The following RERE variants were observed in gnomAD, a reference collection of about 807,000 sequenced individuals.
The protein encoded by RERE is arginine-glutamic acid dipeptide repeats.
RERE carries 40 observed loss-of-function variants against 146.1 expected under a neutral mutation model. The ratio of observed to expected loss-of-function variants is 0.27; its 90% confidence interval spans 0.21 to 0.36. The LOEUF is 0.36. RERE is among the 10% of genes least tolerant of loss of function. The pLI is 1.00. For missense variants in RERE, 1,933 were observed against 2,138.7 expected, an observed-to-expected ratio of 0.90 and a Z score of 1.90; for synonymous variants, 1,003 against 866.0, an observed-to-expected ratio of 1.16 and a Z score of -2.78.
chr1:8,642,945 C>T (rs1266089005), intron 2 of RERE, among the ~76,000 whole-genome samples: 2 of 152,194 alleles, frequency 1.3e-5, no homozygotes, highest in Admixed American at 1.3e-4. Flanking sequence ...TCTGCCTGCG[C>T]TAATAGGTAT....
chr1:8,535,289 C>A (rs1287029838), intron 7 of RERE, among the ~76,000 whole-genome samples: 4 of 152,154 alleles, frequency 2.6e-5, no homozygotes, highest in Non-Finnish European at 4.4e-5. Context: ...ACAACTAAAT[C>A]CATAATGCCA....
At position 8,497,470 on chromosome 1, in the gene RERE, A is replaced by G. The variant is rs1645060381; in HGVS notation, c.939T>C (p.His313=). The change falls in exon 9 of 23, where the codon CAT becomes CAC. Residue 313 remains histidine, a synonymous_variant. Transcript: ENST00000400908. ...PSPDGDTVTQ[H]EELVWMPGVN... ...CTCCAGGCATCCAGACCAGTTCCTCATGTTGGGTCACTGTATCACCATCTG... is the reference window on the plus strand; with the variant it reads ...CTCCAGGCATCCAGACCAGTTCCTCGTGTTGGGTCACTGTATCACCATCTG... 6.2e-7 allele frequency: 1 copy of G among 1,612,184 alleles called. No individual in the cohort carries two copies. The highest frequency in any genetic ancestry group is 1.3e-5 in the African/African-American group (1 of 74,892).
intron 4 of RERE, among the ~76,000 whole-genome samples, chr1:8,597,525 A>G (rs1157078707): frequency 6.6e-6 from 1 of 152,230 alleles, no homozygotes. Context: ...ATTGGAAAAC[A>G]GAATGAAAAT....
intron 4 of RERE, among the ~76,000 whole-genome samples, chr1:8,573,079 T>C (rs1241386941): frequency 6.6e-6 from 1 of 152,206 alleles, no homozygotes; most frequent in Non-Finnish European, 1.5e-5. Flanking sequence ...CTGAGCGTGT[T>C]CATGAAAACT....
intron 1 of RERE, among the ~76,000 whole-genome samples, chr1:8,674,162 C>T (rs1408918071): frequency 6.6e-6 from 1 of 151,972 alleles, no homozygotes; most frequent in African/African-American, 2.4e-5. Context: ...AAAATGCAAG[C>T]TTTCATTAAA....
intron 8 of RERE, among the ~76,000 whole-genome samples, chr1:8,503,045 C>A (rs1645198618): frequency 6.7e-6 from 1 of 149,024 alleles, no homozygotes. Flanking sequence ...TATGACCCTG[C>A]CAAATCCCCC....
chr1:8,630,250 A>C (rs1170859273), intron 2 of RERE, among the ~76,000 whole-genome samples: 3 of 152,136 alleles, frequency 2.0e-5, no homozygotes, highest in Non-Finnish European at 2.9e-5. Flanking sequence ...GGCATACTGC[A>C]TGTCCTCCAA....
chr1:8,675,637 CACTTGA>C (rs1638821016), intron 1 of RERE, among the ~76,000 whole-genome samples: 1 of 151,924 alleles, frequency 6.6e-6, no homozygotes, highest in Non-Finnish European at 1.5e-5. Flanking sequence ...GAAGGAGAAT[CACTTGA>C]ACTTGGGAGG....
At chr1:8,795,721 G>A (rs1043234439) in intron 1 of RERE, among the ~76,000 whole-genome samples, 5 of 152,178 alleles carry the variant, frequency 3.3e-5, no homozygotes, top group Admixed American at 6.5e-5. Flanking sequence ...AGTGGCTCAC[G>A]CCTGTAATCC....
intron 12 of RERE, among the ~76,000 whole-genome samples, chr1:8,396,910 T>C (rs949646595): frequency 6.6e-6 from 1 of 152,188 alleles, no homozygotes; most frequent in Non-Finnish European, 1.5e-5. Context: ...CTTTGCATTT[T>C]AAAGGTAAGG....
At chr1:8,648,367 G>A (rs1180734949) in intron 2 of RERE, among the ~76,000 whole-genome samples, 1 of 152,038 alleles carries the variant, frequency 6.6e-6, no homozygotes, top group Non-Finnish European at 1.5e-5. Flanking sequence ...AAGTAGCTGG[G>A]ACTACAGGAG....
chr1:8,595,076 G>A (rs565414996), intron 4 of RERE, among the ~76,000 whole-genome samples: 8 of 151,074 alleles, frequency 5.3e-5, no homozygotes, highest in South Asian at 2.1e-4. Flanking sequence ...CAGGAGGATC[G>A]CTTGAGCCCA....
At chr1:8,805,344 C>G (rs1641669520) in intron 1 of RERE, among the ~76,000 whole-genome samples, 1 of 152,012 alleles carries the variant, frequency 6.6e-6, no homozygotes, top group Non-Finnish European at 1.5e-5. Flanking sequence ...GAAACCCCAT[C>G]TCTACTAAAA....
intron 1 of RERE, among the ~76,000 whole-genome samples, chr1:8,754,333 C>T (rs1240302290): frequency 6.6e-6 from 1 of 151,914 alleles, no homozygotes; most frequent in African/African-American, 2.4e-5. Context: ...ATTACAGTTA[C>T]ATTAGAAAGT....
intron 12 of RERE, among the ~76,000 whole-genome samples, chr1:8,401,760 A>AG (rs1010433648): frequency 1.8e-4 from 28 of 152,062 alleles, no homozygotes; most frequent in Non-Finnish European, 4.0e-4. Flanking sequence ...CTATCCAAAA[A>AG]GAAAAAAAAA....
intron 12 of RERE, among the ~76,000 whole-genome samples, chr1:8,411,983 T>C (rs909093949): frequency 6.6e-6 from 1 of 152,254 alleles, no homozygotes; most frequent in Non-Finnish European, 1.5e-5. Context: ...ACCTCTGACA[T>C]AATTCAATGT....
chr1:8,553,940 G>A (rs1445680737), intron 6 of RERE, among the ~76,000 whole-genome samples: 1 of 152,230 alleles, frequency 6.6e-6, no homozygotes, highest in Non-Finnish European at 1.5e-5. Flanking sequence ...CACTTTGGGA[G>A]GCTGAGGTGG....
chr1:8,523,571 C>T (rs1645532765), intron 7 of RERE, among the ~76,000 whole-genome samples: 1 of 152,212 alleles, frequency 6.6e-6, no homozygotes, highest in Non-Finnish European at 1.5e-5. Flanking sequence ...ACCTCCTCCA[C>T]CAGACAAGCA....
At chr1:8,780,733 G>A (rs1461547049) in intron 1 of RERE, among the ~76,000 whole-genome samples, 1 of 152,182 alleles carries the variant, frequency 6.6e-6, no homozygotes, top group African/African-American at 2.4e-5. Context: ...CAAGTCCTTA[G>A]AATAAAAACT....
Sources: gnomAD v4.1 joint callset for allele counts (sites outside exome capture counted in the v4.1 genomes callset) on GRCh38, gnomAD v4.1.1 for gene constraint, MANE v1.5 for transcripts, NCBI Gene and HGNC (gene_info 2026-07-23, HGNC 2026-07-21) for gene names.